Variants in PRSS55 observed in about 807,000 individuals in gnomAD.
PRSS55 encodes the protein probable serine protease UNQ9391/PRO34284.
PRSS55 carries 41 observed loss-of-function variants against 23.6 expected under a neutral mutation model. That is an observed-to-expected ratio of 1.74 (90% confidence interval 1.35 to 2.26). The LOEUF is 2.26. Among genes scored for constraint, PRSS55 ranks in the 30% most tolerant of loss-of-function variants. The probability of loss-of-function intolerance (pLI) is 0.00; values close to 1 mark genes in which losing one functional copy is unlikely to be tolerated. For missense variants in PRSS55, 669 were observed against 439.1 expected (o/e 1.52, Z -4.68); for synonymous variants, 262 against 175.5 (o/e 1.49, Z -3.90).
intron 4 of PRSS55, among the ~76,000 whole-genome samples, chr8:10,534,035 GC>G: frequency 1.3e-5 from 2 of 152,172 alleles, no homozygotes; most frequent in Non-Finnish European, 1.5e-5. Flanking sequence ...AGGTTTAGGA[GC>G]CCCCCATGTG....
intron 3 of PRSS55, chr8:10,531,755 C>T: frequency 4.9e-6 from 3 of 614,680 alleles, no homozygotes; most frequent in Non-Finnish European, 8.5e-6. Flanking sequence ...GCAGTCTGAT[C>T]CAGCTAGCAC....
intron 4 of PRSS55, among the ~76,000 whole-genome samples, chr8:10,546,588 G>T (rs1408733019): frequency 6.6e-6 from 1 of 152,196 alleles, no homozygotes; most frequent in Non-Finnish European, 1.5e-5. Flanking sequence ...GGCAGCCACG[G>T]TGCTCCTGTT....
In PRSS55 at chr8:10,532,975, C is replaced by G; in HGVS notation, c.668C>G (p.Ser223Ter). 1 of 1,614,170 alleles carries G rather than the reference C, an allele frequency of 6.2e-7. No individual in the cohort carries two copies. The highest frequency in any genetic ancestry group is 8.5e-7 in the Non-Finnish European group (1 of 1,180,020). The change falls in exon 4 of 5, where the codon TCA (serine) becomes TGA (stop). Residue 223 changes from serine (S) to a stop codon, truncating the protein, a stop_gained. Transcript: ENST00000328655. LOFTEE classifies it high-confidence loss of function. ...PMVIMDWEECSKMFPKLTKNM... is the reference protein window; with the variant it reads ...PMVIMDWEEC The stretch of plus-strand genomic sequence containing the variant: ...GTCATCATGGACTGGGAGGAGTGTT[C>G]AAAGATGTTTCCAAAACTTACCAAA...
At position 10,529,466 on chromosome 8, in the gene PRSS55, G is replaced by A. The variant is rs761013767; in HGVS notation, c.155-41G>A. ...CCAGCTCACACTGGATGCTGACTAA[G>A]TGTTTCCCCTTTTCCTTTCCACTCT... On this transcript the variant is annotated intron_variant, in intron 1 of 4. Transcript: ENST00000328655. The A allele has an allele frequency of 3.1e-6, 5 of 1,598,498 alleles. No homozygotes were observed. In the African/African-American group the frequency reaches 4.0e-5, roughly 13 times the overall value.
chr8:10,538,557 A>G lies in PRSS55; in HGVS notation c.823A>G (p.Ser275Gly). 6.2e-7 allele frequency: 1 copy of G among 1,614,152 alleles called. No individual in the cohort carries two copies. Among genetic ancestry groups the G allele is most frequent in the Non-Finnish European group, 8.5e-7 (1 of 1,180,006 alleles). ...GGTGGGCATCATAAGCTGGGGAAAG[A>G]GCTGTGGAGAGAAGAACACCCCAGG... is the stretch of plus-strand genomic sequence containing the variant. ...YQVGIISWGKSCGEKNTPGIY... is the reference protein window; with the variant it reads ...YQVGIISWGKGCGEKNTPGIY... The change falls in exon 5 of 5, where the codon AGC (serine) becomes GGC (glycine). Residue 275 changes from serine (S) to glycine (G), a missense_variant. By Grantham distance (56) the Ser-to-Gly change is moderately conservative. Transcript: ENST00000328655.
intron 4 of PRSS55, chr8:10,544,895 C>T (rs1428077918): frequency 1.9e-6 from 1 of 517,552 alleles, no homozygotes. Flanking sequence ...CATTATTTAA[C>T]TTTATGTCTC....
In PRSS55 at chr8:10,527,921, G is replaced by A. The variant is rs185900891; in HGVS notation, c.155-1586G>A. On this transcript the variant is annotated intron_variant, in intron 1 of 4. Coordinates refer to ENST00000328655, the MANE Select transcript of PRSS55 (RefSeq NM_198464.4). ...TCAGAGAGGAAGTGTGGATCCACAA[G>A]TACCGAATAGGCCGGGCATGGTGGC... is the stretch of plus-strand genomic sequence containing the variant. Among the ~76,000 whole-genome samples, 7 of 152,286 alleles carry A rather than the reference G, an allele frequency of 4.6e-5. No homozygotes were observed. The East Asian group carries it at 1.2e-3, about 25-fold the overall frequency.
At chr8:10,551,374 C>T (rs562054155) in intron 4 of PRSS55, among the ~76,000 whole-genome samples, 18 of 152,314 alleles carry the variant, frequency 1.2e-4, no homozygotes, top group African/African-American at 4.1e-4. Flanking sequence ...AATAAGTGTT[C>T]AGTTCTTTTC....
intron 4 of PRSS55, 51 bp downstream of exon 4, chr8:10,533,099 C>T: frequency 6.3e-7 from 1 of 1,589,816 alleles, no homozygotes; most frequent in Non-Finnish European, 8.6e-7. Context: ...CCTCTGGGAA[C>T]TGCCAGTGCA....
At chr8:10,534,018 T>C (rs1812367213) in intron 4 of PRSS55, among the ~76,000 whole-genome samples, 1 of 152,216 alleles carries the variant, frequency 6.6e-6, no homozygotes, top group Non-Finnish European at 1.5e-5. Context: ...CCTGGCAGCA[T>C]AGCACTAGGT....
intron 4 of PRSS55, among the ~76,000 whole-genome samples, chr8:10,544,343 T>A (rs1315867317): frequency 6.6e-5 from 10 of 152,196 alleles, no homozygotes; most frequent in African/African-American, 2.4e-4. Context: ...CCATATCAGC[T>A]CTTTCATCAT....
intron 4 of PRSS55, chr8:10,545,074 G>A (rs1812782708): frequency 1.1e-6 from 1 of 944,096 alleles, no homozygotes; most frequent in Non-Finnish European, 1.3e-6. Flanking sequence ...AAAAGACCAG[G>A]GCTTTTGGTT....
At chr8:10,541,368 A>G (rs536809936), downstream of PRSS55, 1 of 152,366 alleles carries the variant, frequency 6.6e-6, no homozygotes, top group East Asian at 1.9e-4. Context: ...TGAGTAGGAC[A>G]AAAATGATTG....
intron 2 of PRSS55, 67 bp downstream of exon 2, chr8:10,529,766 C>G (rs1396120380): frequency 4.0e-6 from 6 of 1,482,962 alleles, no homozygotes; most frequent in Admixed American, 1.8e-5. Context: ...CTCCCCCTCA[C>G]CCACACCTGG....
At chr8:10,544,510 T>C (rs933666607) in intron 4 of PRSS55, among the ~76,000 whole-genome samples, 2 of 152,372 alleles carry the variant, frequency 1.3e-5, no homozygotes, top group Middle Eastern at 3.4e-3. Context: ...TCACATTTAA[T>C]GTGATCATTG....
chr8:10,529,601 G>T lies in PRSS55; in HGVS notation c.249G>T (p.Val83=). 2 of 1,614,216 alleles carry T rather than the reference G, an allele frequency of 1.2e-6. No homozygotes were observed. Among genetic ancestry groups the T allele is most frequent in the East Asian group, 2.2e-5 (1 of 44,880 alleles). The change falls in exon 2 of 5, where the codon GTG becomes GTT. Residue 83 remains valine (V), a synonymous_variant. Transcript: ENST00000328655. ...AGGTGGGTGAGTTTCCGTGGCAGGT[G>T]AGTATTCAGGCAAGAAGTGAACCTT... ...EAEVGEFPWQ[V]SIQARSEPFC...
At chr8:10,545,644 A>G (rs1812798152) in intron 4 of PRSS55, among the ~76,000 whole-genome samples, 2 of 152,208 alleles carry the variant, frequency 1.3e-5, no homozygotes, top group African/African-American at 2.4e-5. Context: ...TTTCTAAGGT[A>G]TAAGAGGATC....
At chr8:10,544,140 TATTAA>T (rs78411885) in intron 4 of PRSS55, among the ~76,000 whole-genome samples, 39,221 of 152,050 alleles carry the variant, frequency 0.26, 5,315 homozygotes, top group Middle Eastern at 0.32. Flanking sequence ...CAACTTCTGT[TATTAA>T]ATTGTCTCTT....
At chr8:10,549,679 G>A (rs745906562) in intron 4 of PRSS55, among the ~76,000 whole-genome samples, 4 of 152,176 alleles carry the variant, frequency 2.6e-5, no homozygotes, top group South Asian at 2.1e-4. Flanking sequence ...TCCTGACGTC[G>A]GTTCCAACGC....
Sources: gnomAD v4.1 joint callset for allele counts (sites outside exome capture counted in the v4.1 genomes callset) on GRCh38, gnomAD v4.1.1 for gene constraint, MANE v1.5 for transcripts, NCBI Gene and HGNC (gene_info 2026-07-23, HGNC 2026-07-21) for gene names.